Variants in HIVEP3 observed in about 807,000 individuals in gnomAD.
HIVEP3 encodes the protein transcription factor HIVEP3.
A neutral mutation model predicts 152.8 loss-of-function variants in HIVEP3; 49 were observed. That is an observed-to-expected ratio of 0.32 (90% CI 0.26 to 0.41). The LOEUF is 0.41. HIVEP3 is among the 10% of genes least tolerant of loss of function. The pLI is 1.00. For synonymous variants in HIVEP3, 1,269 were observed against 1,289.0 expected, an observed-to-expected ratio of 0.98 and a Z score of 0.33; for missense variants, 2,790 against 3,103.3, an observed-to-expected ratio of 0.90 and a Z score of 2.40.
intron 1 of HIVEP3, among the ~76,000 whole-genome samples, chr1:41,934,602 C>T (rs1402037053): frequency 6.6e-6 from 1 of 152,102 alleles, no homozygotes; most frequent in African/African-American, 2.4e-5. Context: ...GAAGAAGGTA[C>T]AGCAGTTGGT....
intron 3 of HIVEP3, among the ~76,000 whole-genome samples, chr1:41,595,493 C>T (rs539711807): frequency 1.3e-5 from 2 of 152,184 alleles, no homozygotes; most frequent in East Asian, 1.9e-4. Context: ...ACTAATTCCA[C>T]AGAGGAGTCA....
chr1:41,907,701 C>T (rs1403146782), intron 1 of HIVEP3, among the ~76,000 whole-genome samples: 1 of 152,178 alleles, frequency 6.6e-6, no homozygotes, highest in Non-Finnish European at 1.5e-5. Context: ...GCAGAAGTTA[C>T]ACCAAGAAGT....
intron 5 of HIVEP3, among the ~76,000 whole-genome samples, chr1:41,529,748 CCA>C (rs548728105): frequency 5.7e-4 from 85 of 148,672 alleles, no homozygotes; most frequent in African/African-American, 2.0e-3. Context: ...TCACAACCAT[CCA>C]CACACACCCC....
chr1:41,691,605 C>T lies in HIVEP3; in HGVS notation c.-721+9311G>A, dbSNP rs182313225. On this transcript the variant is annotated intron_variant, in intron 2 of 8. Transcript: ENST00000372583. ...CAGCAAAAAGGTAACACCTATGAAT[C>T]AGACAGTAGAGCCTCATCAGATCAC... is the stretch of plus-strand genomic sequence containing the variant. Among the ~76,000 whole-genome samples, 6 of 152,318 alleles carry T rather than the reference C, an allele frequency of 3.9e-5. No homozygotes were observed. The East Asian group carries it at 1.2e-3, about 29-fold the overall frequency.
At chr1:41,762,484 G>T (rs1199195795) in intron 1 of HIVEP3, among the ~76,000 whole-genome samples, 1 of 152,184 alleles carries the variant, frequency 6.6e-6, no homozygotes, top group Non-Finnish European at 1.5e-5. Flanking sequence ...TGGACTAAAG[G>T]AGCTGTTAGC....
At chr1:41,668,556 C>T (rs1391587165) in intron 2 of HIVEP3, among the ~76,000 whole-genome samples, 1 of 152,214 alleles carries the variant, frequency 6.6e-6, no homozygotes, top group Non-Finnish European at 1.5e-5. Flanking sequence ...GCTCACTAGT[C>T]CGTAAACATA....
At position 41,628,764 on chromosome 1, in the gene HIVEP3, C is replaced by T. The variant is rs1645152574; in HGVS notation, c.-537G>A. On this transcript the variant is annotated 5_prime_UTR_variant, in exon 3 of 9. It introduces an in-frame stop codon into an upstream open reading frame of the 5' UTR. Transcript: ENST00000372583. ...CATTTCCTACCTGTGCTGAAGGCAC[C>T]ACTTCCGATGACCAAAACTGAAACG... 1.6e-6 allele frequency: 2 copies of T among 1,232,070 alleles called. No homozygotes were observed. The highest frequency in any genetic ancestry group is 2.0e-6 in the Non-Finnish European group (2 of 987,994). The allele number at this position is 1,232,070 out of a possible 1,614,324, so 76.3% of individuals were successfully genotyped here. A position where few individuals can be genotyped will look rare whatever the true frequency, so the allele number is the denominator to read the frequency against.
At chr1:41,705,305 G>A (rs560233007) in intron 1 of HIVEP3, among the ~76,000 whole-genome samples, 127 of 152,276 alleles carry the variant, frequency 8.3e-4, no homozygotes, top group African/African-American at 3.0e-3. Flanking sequence ...TGCAGCCTCT[G>A]GAAGTTCCAT....
intron 1 of HIVEP3, among the ~76,000 whole-genome samples, chr1:42,006,654 C>A (rs1645461192): frequency 6.6e-6 from 1 of 151,236 alleles, no homozygotes; most frequent in African/African-American, 2.4e-5. Flanking sequence ...TAGAAGACAA[C>A]TGGATCCTAA....
At chr1:42,006,921 T>TGA (rs1645463096) in intron 1 of HIVEP3, among the ~76,000 whole-genome samples, 1 of 152,152 alleles carries the variant, frequency 6.6e-6, no homozygotes, top group Non-Finnish European at 1.5e-5. Flanking sequence ...AAACTGAGAC[T>TGA]GAGAGAGAGG....
intron 1 of HIVEP3, among the ~76,000 whole-genome samples, chr1:42,014,077 A>G (rs1645507957): frequency 6.6e-6 from 1 of 152,208 alleles, no homozygotes; most frequent in Admixed American, 6.5e-5. Flanking sequence ...GGAAACAGGA[A>G]GTTTCACAGA....
chr1:41,546,354 G>C (rs1192243132), intron 5 of HIVEP3, among the ~76,000 whole-genome samples: 2 of 152,222 alleles, frequency 1.3e-5, no homozygotes, highest in Non-Finnish European at 2.9e-5. Context: ...CATGGCCTGA[G>C]AGTGGGAAAT....
Position 41,741,721 on chromosome 1 carries a change from C to T in HIVEP3, c.-800-40726G>A, listed in dbSNP as rs1385298557. 2.6e-5 allele frequency among the ~76,000 whole-genome samples: 4 copies of T among 152,198 alleles called. No individual in the cohort carries two copies. In the South Asian group the frequency reaches 8.3e-4, roughly 31 times the overall value. On this transcript the variant is annotated intron_variant, in intron 1 of 8. Coordinates refer to ENST00000372583, the MANE Select transcript of HIVEP3 (RefSeq NM_024503.5). ...TCGGGATGAGAAGGGGCTGTGGAAA[C>T]GAACAGCCTGAATTTTCATTTCTGG...
At chr1:41,777,984 CGG>C (rs1484947459) in intron 1 of HIVEP3, among the ~76,000 whole-genome samples, 1 of 152,242 alleles carries the variant, frequency 6.6e-6, no homozygotes, top group Non-Finnish European at 1.5e-5. Context: ...ATTCAATCGG[CGG>C]GGGTTCTTGG....
chr1:41,527,043 C>T (rs1303521717), intron 5 of HIVEP3, among the ~76,000 whole-genome samples: 1 of 98,070 alleles, frequency 1.0e-5, no homozygotes, highest in Admixed American at 9.9e-5. Flanking sequence ...CCCTCACACA[C>T]CCTCTTCCTC....
At chr1:41,884,902 C>T (rs1183557607) in intron 1 of HIVEP3, among the ~76,000 whole-genome samples, 4 of 151,478 alleles carry the variant, frequency 2.6e-5, no homozygotes, top group Non-Finnish European at 5.9e-5. Flanking sequence ...AAGAATCTCT[C>T]GTTACCATCA....
chr1:41,882,587 C>T (rs1429281090), intron 1 of HIVEP3, among the ~76,000 whole-genome samples: 1 of 152,114 alleles, frequency 6.6e-6, no homozygotes, highest in Non-Finnish European at 1.5e-5. Flanking sequence ...AGGAATGTCC[C>T]TTTTTACTTA....
At chr1:41,537,767 C>A in intron 5 of HIVEP3, among the ~76,000 whole-genome samples, 1 of 152,204 alleles carries the variant, frequency 6.6e-6, no homozygotes, top group East Asian at 1.9e-4. Context: ...TGGGGTTCTG[C>A]AGAAACTACA....
intron 1 of HIVEP3, among the ~76,000 whole-genome samples, chr1:41,989,581 AG>A (rs1645344612): frequency 6.6e-6 from 1 of 152,178 alleles, no homozygotes; most frequent in Non-Finnish European, 1.5e-5. Flanking sequence ...AACTAAGGAA[AG>A]GGAAAAAGGC....
Sources: allele counts gnomAD v4.1 joint callset (sites outside exome capture counted in the v4.1 genomes callset), GRCh38; gene constraint gnomAD v4.1.1; transcripts MANE v1.5; gene names NCBI Gene and HGNC (gene_info 2026-07-23, HGNC 2026-07-21).